DYSF: variants seen among roughly 807,000 people sequenced by gnomAD.
The protein encoded by DYSF is dystrophy-associated fer-1-like 1.
In DYSF, 212 loss-of-function variants were observed where a neutral mutation model predicts 274.9. The ratio of observed to expected loss-of-function variants is 0.77; its 90% confidence interval spans 0.69 to 0.86. DYSF has a LOEUF of 0.86. Ranked by LOEUF, DYSF falls within the 40% of genes least tolerant of loss-of-function variation. The pLI, the probability that DYSF is intolerant of heterozygous loss-of-function variation, is 0.00. For missense variants in DYSF, 2,666 were observed against 2,783.2 expected (o/e 0.96, Z 0.95); for synonymous variants, 1,091 against 1,078.7 (o/e 1.01, Z -0.22).
chr2:71,598,604 G>A lies in DYSF; in HGVS notation c.3615G>A (p.Lys1205=), dbSNP rs2093463522. 2 of 1,614,104 alleles carry A rather than the reference G, an allele frequency of 1.2e-6. No homozygotes were observed. The highest frequency in any genetic ancestry group is 3.3e-5 in the Admixed American group (2 of 60,012). Residue 1205 remains lysine, a synonymous_variant, in exon 33 of 56, where the codon AAG becomes AAA. Coordinates refer to ENST00000410020, the MANE Select transcript of DYSF (RefSeq NM_001130987.2). ...TCTCCTTCCTGCACCAGAGCCAGAA[G>A]ACGGTGGTGGTGAAGAACACCCTTA... The part of the protein sequence containing the change: ...AIVSFLHQSQ[K]TVVVKNTLNP...
chr2:71,660,641 G>A lies in DYSF; in HGVS notation c.4993G>A (p.Val1665Ile), dbSNP rs147056383. The A allele has an allele frequency of 2.5e-4, 399 of 1,613,842 alleles. 3 individuals are homozygous for A. The East Asian group carries it at 7.4e-3, about 30-fold the overall frequency. The change falls in exon 45 of 56, where the codon GTA becomes ATA. Residue 1665 changes from valine (V) to isoleucine (I), a missense_variant. Around this residue, in one of 3 missense-constraint regions of DYSF, gnomAD observed 1,460 missense variants for 1,502.1 expected, o/e 0.97. Coordinates refer to ENST00000410020, the MANE Select transcript of DYSF (RefSeq NM_001130987.2). ...DNYIPCTLEP[V>I]FGKMFELTCT... is the part of the protein sequence containing the mutation. Reference sequence around the variant, plus strand: ...CTACATCCCCTGCACGCTGGAGCCCGTATTTGGAAAGTAAATTGGGGCATC... The same window carrying A: ...CTACATCCCCTGCACGCTGGAGCCCATATTTGGAAAGTAAATTGGGGCATC...
At position 71,555,989 on chromosome 2, in the gene DYSF, C is replaced by T. The variant is rs985675157; in HGVS notation, c.2134C>T (p.Leu712=). The change falls in exon 22 of 56, where the codon CTG becomes TTG. Residue 712 remains leucine (L), a synonymous_variant. Coordinates refer to ENST00000410020, the MANE Select transcript of DYSF (RefSeq NM_001130987.2). ...RLEAGLEQVH[L]ALKAQCSTED... ...GGAAGCTGGCCTGGAGCAGGTCCAC[C>T]TGGCCCTGAAGGCGCAGTGCTCCAC... 3.8e-6 allele frequency: 6 copies of T among 1,568,544 alleles called. No homozygotes were observed. The Admixed American group carries it at 9.5e-5, about 25-fold the overall frequency.
chr2:71,601,952 C>T (rs2093559769), intron 35 of DYSF, among the ~76,000 whole-genome samples: 1 of 152,212 alleles, frequency 6.6e-6, no homozygotes, highest in Non-Finnish European at 1.5e-5. Context: ...TGAGGGCAGC[C>T]CAGCAACCTC....
In DYSF at chr2:71,612,826, T is replaced by C. The variant is rs764245722; in HGVS notation, c.4387+20T>C. The C allele has an allele frequency of 3.7e-6, 6 of 1,603,588 alleles. No homozygotes were observed. Among genetic ancestry groups the C allele is most frequent in the Middle Eastern group, 1.7e-4 (1 of 6,020 alleles). ...GCCCAGGTAGGGGAAGGGGAGATGATGGGCAGGTCAGGGAAGGGGGAGCCT... is the reference window on the plus strand; with the variant it reads ...GCCCAGGTAGGGGAAGGGGAGATGACGGGCAGGTCAGGGAAGGGGGAGCCT... On this transcript the variant is annotated intron_variant, in intron 39 of 55. Coordinates refer to ENST00000410020, the MANE Select transcript of DYSF (RefSeq NM_001130987.2).
At chr2:71,485,752 G>A (rs1484609942) in intron 3 of DYSF, among the ~76,000 whole-genome samples, 4 of 152,146 alleles carry the variant, frequency 2.6e-5, no homozygotes, top group Non-Finnish European at 5.9e-5. Context: ...AAGAATGAAC[G>A]CATGACATTT....
chr2:71,550,349 C>T (rs548168640), intron 17 of DYSF, among the ~76,000 whole-genome samples: 15 of 152,156 alleles, frequency 9.9e-5, no homozygotes, highest in African/African-American at 3.6e-4. Context: ...TTCCCCTCTT[C>T]AGGAGTGTAA....
intron 14 of DYSF, among the ~76,000 whole-genome samples, chr2:71,532,590 C>A (rs2088854889): frequency 6.6e-6 from 1 of 152,084 alleles, no homozygotes; most frequent in South Asian, 2.1e-4. Context: ...GTTCAAGCCC[C>A]CAGACCCACA....
intron 30 of DYSF, among the ~76,000 whole-genome samples, chr2:71,582,655 C>T (rs1285852866): frequency 6.6e-6 from 1 of 152,094 alleles, no homozygotes. Context: ...ACAACCAGGT[C>T]TCCAGAACAA....
At chr2:71,473,918 ATTTTTTTT>A (rs10659171) in intron 1 of DYSF, among the ~76,000 whole-genome samples, 5 of 83,806 alleles carry the variant, frequency 6.0e-5, no homozygotes, top group Admixed American at 1.4e-4. Context: ...TTTCTGTATG[ATTTTTTTT>A]TTTTTTTTTT....
At position 71,668,464 on chromosome 2, in the gene DYSF, G is replaced by T. The variant is rs75698068; in HGVS notation, c.5458-290G>T. On this transcript the variant is annotated intron_variant, in intron 48 of 55. Coordinates refer to ENST00000410020, the MANE Select transcript of DYSF (RefSeq NM_001130987.2). ...TGAACGGTGCTCTTTGACACGCCAC[G>T]ACTGTGCACATGCCATTCCCCTGGC... Among the ~76,000 whole-genome samples, 1,369 of 152,190 alleles carry T rather than the reference G, an allele frequency of 9.0e-3. 60 individuals carry two copies. The highest frequency in any genetic ancestry group is 0.072 in the Admixed American group (1,096 of 15,290).
chr2:71,472,599 G>A (rs2082113013), intron 1 of DYSF, among the ~76,000 whole-genome samples: 1 of 152,096 alleles, frequency 6.6e-6, no homozygotes, highest in Non-Finnish European at 1.5e-5. Context: ...GTAGAGACGG[G>A]GTTTCACCAT....
intron 30 of DYSF, among the ~76,000 whole-genome samples, chr2:71,586,384 G>C (rs759320642): frequency 9.9e-5 from 15 of 152,130 alleles, no homozygotes; most frequent in Non-Finnish European, 2.1e-4. Flanking sequence ...CACTTGGGTG[G>C]CAGATGGGGT....
intron 1 of DYSF, among the ~76,000 whole-genome samples, chr2:71,467,310 G>T (rs1432138828): frequency 1.3e-5 from 2 of 152,194 alleles, no homozygotes; most frequent in Non-Finnish European, 2.9e-5. Context: ...GGGGCGTGTA[G>T]ATGATGTGCT....
intron 4 of DYSF, among the ~76,000 whole-genome samples, chr2:71,508,748 T>C (rs1020109050): frequency 4.6e-5 from 7 of 152,266 alleles, no homozygotes; most frequent in Admixed American, 1.3e-4. Context: ...TCCCCGCTAA[T>C]CGTTCATCTA....
intron 36 of DYSF, among the ~76,000 whole-genome samples, chr2:71,604,452 A>C (rs2093611456): frequency 6.6e-6 from 1 of 152,136 alleles, no homozygotes; most frequent in African/African-American, 2.4e-5. Flanking sequence ...ATCCCTGTGA[A>C]GAGTGCTCAA....
At chr2:71,629,690 C>A (rs781094857) in intron 41 of DYSF, among the ~76,000 whole-genome samples, 1 of 152,160 alleles carries the variant, frequency 6.6e-6, no homozygotes, top group African/African-American at 2.4e-5. Flanking sequence ...CTGGATTTTT[C>A]CTTTCTCATT....
chr2:71,626,110 A>G (rs2195192), intron 41 of DYSF, among the ~76,000 whole-genome samples: 5,240 of 151,964 alleles, frequency 0.034, 157 homozygotes, highest in Admixed American at 0.099. Context: ...TCTTCTGTCT[A>G]TATTTCTTTT....
intron 12 of DYSF, among the ~76,000 whole-genome samples, chr2:71,525,290 T>G (rs935004439): frequency 3.9e-5 from 6 of 152,094 alleles, no homozygotes; most frequent in African/African-American, 1.4e-4. Context: ...AGTGGTGCAA[T>G]CTTGGCTCAC....
At chr2:71,532,432 A>G (rs2088835495) in intron 14 of DYSF, among the ~76,000 whole-genome samples, 2 of 152,220 alleles carry the variant, frequency 1.3e-5, no homozygotes, top group Non-Finnish European at 2.9e-5. Flanking sequence ...GTAAAGCAAG[A>G]AAAAAAGAGA....
Sources: allele counts gnomAD v4.1 joint callset (sites outside exome capture counted in the v4.1 genomes callset), GRCh38; gene constraint gnomAD v4.1.1; regional missense constraint gnomAD v4.1.1; transcripts MANE v1.5; gene names NCBI Gene and HGNC (gene_info 2026-07-23, HGNC 2026-07-21).